The following TSHZ1 variants were observed in gnomAD, a reference collection of about 807,000 sequenced individuals.
The protein encoded by TSHZ1 is teashirt homolog 1.
A neutral mutation model predicts 67.1 loss-of-function variants in TSHZ1; 12 were observed. The observed-to-expected ratio is 0.18, with a 90% CI of 0.11 to 0.29. The LOEUF is 0.29. Ranked by LOEUF, TSHZ1 falls within the 10% of genes least tolerant of loss-of-function variation. The pLI is 1.00. For synonymous variants in TSHZ1, 632 were observed against 622.4 expected (o/e 1.02, Z -0.23); for missense variants, 1,305 against 1,413.9 (o/e 0.92, Z 1.23).
chr18:75,218,015 A>G (rs2022795044), intron 1 of TSHZ1, among the ~76,000 whole-genome samples: 1 of 152,216 alleles, frequency 6.6e-6, no homozygotes, highest in Non-Finnish European at 1.5e-5. Flanking sequence ...TGTGTAATCA[A>G]GCCCTAATGC....
At position 75,249,889 on chromosome 18, in the gene TSHZ1, G is replaced by A. The variant is rs190427159; in HGVS notation, c.41-35559G>A. Among the ~76,000 whole-genome samples the A allele has an allele frequency of 2.6e-5, 4 of 151,746 alleles. No homozygotes were observed. In the East Asian group the frequency reaches 7.8e-4, roughly 30 times the overall value. ...TCCTCCCTGCCTCACCCCTGCAGTT[G>A]GTGGGAGGTGCATGACCTCCCCATC... On this transcript the variant is annotated intron_variant, in intron 1 of 1. Transcript: ENST00000580243.
At chr18:75,251,108 A>G (rs922176789) in intron 1 of TSHZ1, among the ~76,000 whole-genome samples, 1 of 152,216 alleles carries the variant, frequency 6.6e-6, no homozygotes, top group Non-Finnish European at 1.5e-5. Flanking sequence ...GGTAAAGTCA[A>G]TTACTGAAGA....
intron 1 of TSHZ1, among the ~76,000 whole-genome samples, chr18:75,266,825 CT>C (rs2023495819): frequency 6.6e-6 from 1 of 152,118 alleles, no homozygotes; most frequent in African/African-American, 2.4e-5. Context: ...TGTTACGCCC[CT>C]GGCAGTATTG....
In TSHZ1 at chr18:75,287,733, A is replaced by C; in HGVS notation, c.2326A>C (p.Lys776Gln). 2 of 1,614,146 alleles carry C rather than the reference A, an allele frequency of 1.2e-6. No homozygotes were observed. The highest frequency in any genetic ancestry group is 1.3e-5 in the African/African-American group (1 of 75,060). The change falls in exon 2 of 2, where the codon AAG (lysine) becomes CAG (glutamine). Residue 776 changes from lysine (K) to glutamine (Q), a missense_variant. Lys to Gln is a moderately conservative substitution (Grantham distance 53). Transcript: ENST00000580243. This position sits in a 1 kb window ranked among gnomAD's most constrained non-coding sequence, Gnocchi z 5.0. ...GCTGGACCCGCTGGCGATGCTGTAC[A>C]AGATCAGCAACAGCATGCTGGACAA... ...PSLDPLAMLY[K>Q]ISNSMLDKPV...
At chr18:75,277,151 C>T (rs892282062) in intron 1 of TSHZ1, among the ~76,000 whole-genome samples, 7 of 152,220 alleles carry the variant, frequency 4.6e-5, no homozygotes, top group Non-Finnish European at 8.8e-5. Context: ...GTCCATGGCC[C>T]GAATTTCACA....
intron 1 of TSHZ1, among the ~76,000 whole-genome samples, chr18:75,268,774 G>T (rs1245514888): frequency 7.9e-5 from 12 of 152,144 alleles, no homozygotes; most frequent in Admixed American, 7.9e-4. Context: ...GTTTATTTAG[G>T]TTTGACATCA....
At chr18:75,240,150 G>A (rs987149036) in intron 1 of TSHZ1, among the ~76,000 whole-genome samples, 10 of 152,198 alleles carry the variant, frequency 6.6e-5, no homozygotes, top group African/African-American at 2.4e-4. Flanking sequence ...AACGTTTTAA[G>A]AAGTCAATTA....
chr18:75,231,374 C>G (rs1041772399), intron 1 of TSHZ1, among the ~76,000 whole-genome samples: 1 of 152,190 alleles, frequency 6.6e-6, no homozygotes, highest in African/African-American at 2.4e-5. Context: ...TGGTGTGAGT[C>G]CTTCTCTGGC....
At chr18:75,227,493 A>G (rs1400919871) in intron 1 of TSHZ1, among the ~76,000 whole-genome samples, 1 of 152,200 alleles carries the variant, frequency 6.6e-6, no homozygotes, top group African/African-American at 2.4e-5. Context: ...GAAAACCACC[A>G]GAAAGTGCAA....
intron 1 of TSHZ1, among the ~76,000 whole-genome samples, chr18:75,250,060 G>A (rs72969723): frequency 0.18 from 26,784 of 150,150 alleles, 2,446 homozygotes; most frequent in East Asian, 0.31. Context: ...TAGGTGGGGG[G>A]TGGGGGTGAC....
At chr18:75,223,575 C>T (rs1017835749) in intron 1 of TSHZ1, among the ~76,000 whole-genome samples, 5 of 151,632 alleles carry the variant, frequency 3.3e-5, no homozygotes, top group African/African-American at 1.2e-4. Context: ...GCCCTGGAAT[C>T]GAATATACAT....
chr18:75,234,126 G>A (rs1237282119), intron 1 of TSHZ1, among the ~76,000 whole-genome samples: 1 of 152,196 alleles, frequency 6.6e-6, no homozygotes, highest in Admixed American at 6.5e-5. Flanking sequence ...TATTCTGCAA[G>A]TGTGGGGGAA....
intron 1 of TSHZ1, among the ~76,000 whole-genome samples, chr18:75,219,570 A>G (rs2022818906): frequency 6.6e-6 from 1 of 152,222 alleles, no homozygotes; most frequent in Non-Finnish European, 1.5e-5. Flanking sequence ...CTATAGAATA[A>G]TTGTAGTCTT....
In TSHZ1 at chr18:75,287,891, G is replaced by C. The variant is rs1223687323; in HGVS notation, c.2484G>C (p.Val828=). The part of the protein sequence containing the change: ...KPLVSSVADS[V]ASPLRESALM... ...TGGTGTCCAGCGTGGCTGATTCGGT[G>C]GCATCACCTCTGCGGGAGAGCGCAC... Residue 828 remains valine, a synonymous_variant, in exon 2 of 2, where the codon GTG becomes GTC. Coordinates refer to ENST00000580243, the MANE Select transcript of TSHZ1 (RefSeq NM_001308210.2). The surrounding 1 kb of genome is among the most constrained non-coding windows in gnomAD (Gnocchi z 5.0). 2 of 1,614,090 alleles carry C rather than the reference G, an allele frequency of 1.2e-6. No individual in the cohort carries two copies. Among genetic ancestry groups the C allele is most frequent in the Non-Finnish European group, 1.7e-6 (2 of 1,180,062 alleles).
chr18:75,228,591 G>A (rs1367645633), intron 1 of TSHZ1, among the ~76,000 whole-genome samples: 1 of 152,234 alleles, frequency 6.6e-6, no homozygotes, highest in Non-Finnish European at 1.5e-5. Context: ...ATCCTTGTGT[G>A]CCTAAAGGTA....
chr18:75,261,627 T>C (rs1200041066), intron 1 of TSHZ1, among the ~76,000 whole-genome samples: 1 of 152,252 alleles, frequency 6.6e-6, no homozygotes, highest in Admixed American at 6.5e-5. Flanking sequence ...TGGTTCTATC[T>C]TGTTTACAAC....
chr18:75,223,282 G>A (rs1023149594), intron 1 of TSHZ1, among the ~76,000 whole-genome samples: 2 of 152,184 alleles, frequency 1.3e-5, no homozygotes, highest in Admixed American at 6.5e-5. Flanking sequence ...TAATACAAAA[G>A]CAGTGGATGG....
chr18:75,213,526 T>C (rs903856542), intron 1 of TSHZ1, among the ~76,000 whole-genome samples: 5 of 152,218 alleles, frequency 3.3e-5, no homozygotes, highest in African/African-American at 1.2e-4. Context: ...AAACTACTCC[T>C]GTACTCTTAA....
Position 75,232,021 on chromosome 18 carries a change from C to T in TSHZ1, c.40+20105C>T, listed in dbSNP as rs550968110. ...CCTCCTGGGTAGCTAGGATTACAAG[C>T]GATTTTCATGCCTCAGCCTCCCGAG... On this transcript the variant is annotated intron_variant, in intron 1 of 1. Coordinates refer to ENST00000580243, the MANE Select transcript of TSHZ1 (RefSeq NM_001308210.2). 9.9e-5 allele frequency among the ~76,000 whole-genome samples: 15 copies of T among 152,210 alleles called. No individual in the cohort carries two copies. The South Asian group carries it at 1.5e-3, about 15-fold the overall frequency.
Sources: gnomAD v4.1 joint callset for allele counts (sites outside exome capture counted in the v4.1 genomes callset) on GRCh38, gnomAD v4.1.1 for gene constraint, Gnocchi (gnomAD v3.1) non-coding constraint, MANE v1.5 for transcripts, NCBI Gene and HGNC (gene_info 2026-07-23, HGNC 2026-07-21) for gene names.